LVRN: variants seen among roughly 807,000 people sequenced by gnomAD.
LVRN encodes the protein aminopeptidase Q.
In LVRN, 99 loss-of-function variants were observed where a neutral mutation model predicts 111.4. The ratio of observed to expected loss-of-function variants is 0.89; its 90% confidence interval spans 0.76 to 1.05. The LOEUF is 1.05. Ranked by LOEUF, LVRN falls within the 50% of genes least tolerant of loss-of-function variation. LVRN has a pLI of 0.00. For missense variants in LVRN, 1,414 were observed against 1,206.8 expected (o/e 1.17, Z -2.54); for synonymous variants, 488 against 449.5 (o/e 1.09, Z -1.08).
chr5:116,010,666 G>C, intron 13 of LVRN, 75 bp from the exon 14 acceptor site: 2 of 1,469,784 alleles, frequency 1.4e-6, no homozygotes, highest in Non-Finnish European at 1.9e-6. Context: ...TTGAAACATG[G>C]AACAAATATC....
chr5:116,002,616 C>T (rs371142469), intron 10 of LVRN, among the ~76,000 whole-genome samples: 28 of 151,998 alleles, frequency 1.8e-4, no homozygotes, highest in African/African-American at 5.3e-4. Flanking sequence ...GAAGTAAATC[C>T]GTAAGACACA....
chr5:115,968,650 CT>C (rs1297986495), intron 1 of LVRN, among the ~76,000 whole-genome samples: 1 of 152,080 alleles, frequency 6.6e-6, no homozygotes, highest in Admixed American at 6.5e-5. Context: ...GTGGACAGTC[CT>C]TCTAATGCAG....
At chr5:116,014,191 A>C (rs541459136) in intron 15 of LVRN, among the ~76,000 whole-genome samples, 1 of 152,322 alleles carries the variant, frequency 6.6e-6, no homozygotes, top group East Asian at 1.9e-4. Context: ...ACTTTCAAAA[A>C]ATACTGGCTT....
rs376995516 is a variant in LVRN, at chr5:116,014,395, G to A, written c.2343-25G>A. 7.0e-6 allele frequency: 11 copies of A among 1,568,004 alleles called. No homozygotes were observed. The African/African-American group carries it at 1.4e-4, about 19-fold the overall frequency. On this transcript the variant is annotated intron_variant, in intron 15 of 19. Coordinates refer to ENST00000357872, the MANE Select transcript of LVRN (RefSeq NM_173800.5). Reference sequence around the variant, plus strand: ...TGAAGGTGGTAATGCAAAATAAACTGTTTTTCTTTGACTTTTTCTTCAAGA... The same window carrying A: ...TGAAGGTGGTAATGCAAAATAAACTATTTTTCTTTGACTTTTTCTTCAAGA...
intron 12 of LVRN, among the ~76,000 whole-genome samples, chr5:116,003,605 G>A (rs1328777950): frequency 7.4e-5 from 11 of 147,814 alleles, no homozygotes; most frequent in African/African-American, 2.5e-4. Flanking sequence ...TTTTTGAGAC[G>A]GAGTCTTGCT....
At chr5:116,014,548 C>A (rs1244461577) in intron 16 of LVRN, 21 bp downstream of exon 16, 1 of 1,572,094 alleles carries the variant, frequency 6.4e-7, no homozygotes, top group African/African-American at 1.3e-5. Context: ...TATCATAATT[C>A]CTCTTGTTTT....
In LVRN at chr5:115,992,153, A is replaced by G. The variant is rs1470763085; in HGVS notation, c.1136A>G (p.His379Arg). 2 of 1,613,730 alleles carry G rather than the reference A, an allele frequency of 1.2e-6. No individual in the cohort carries two copies. Among genetic ancestry groups the G allele is most frequent in the Admixed American group, 1.7e-5 (1 of 60,002 alleles). The change falls in exon 5 of 20, where the codon CAT (histidine) becomes CGT (arginine). Residue 379 changes from histidine (H) to arginine (R), a missense_variant. Coordinates refer to ENST00000357872, the MANE Select transcript of LVRN (RefSeq NM_173800.5). ...ATTGCCTTGCCTAGTTTTGACAACC[A>G]TGCAATGGAAAACTGGGGACTAATG... ...DIIALPSFDNHAMENWGLMIF... is the reference protein window; with the variant it reads ...DIIALPSFDNRAMENWGLMIF...
intron 8 of LVRN, 45 bp downstream of exon 8, chr5:116,000,543 A>G (rs747816179): frequency 5.5e-5 from 89 of 1,612,910 alleles, no homozygotes; most frequent in Non-Finnish European, 2.0e-5. Flanking sequence ...GTAAACATAA[A>G]TTCCATTGGC....
At chr5:116,016,516 T>G (rs1263678725) in intron 18 of LVRN, among the ~76,000 whole-genome samples, 1 of 152,224 alleles carries the variant, frequency 6.6e-6, no homozygotes, top group African/African-American at 2.4e-5. Context: ...TTAGTTTTTC[T>G]GACGCACATT....
intron 13 of LVRN, 48 bp from the exon 14 acceptor site, chr5:116,010,693 C>A: frequency 6.4e-7 from 1 of 1,554,764 alleles, no homozygotes; most frequent in Admixed American, 1.9e-5. Context: ...ATGCAAATTA[C>A]TTAGCAAGTG....
intron 6 of LVRN, among the ~76,000 whole-genome samples, chr5:115,998,823 C>T (rs1351140936): frequency 1.3e-5 from 2 of 152,206 alleles, no homozygotes; most frequent in Admixed American, 1.3e-4. Context: ...AAATGATAGG[C>T]TTTCTCATTT....
At chr5:116,008,104 G>A (rs7729533) in intron 13 of LVRN, among the ~76,000 whole-genome samples, 71,992 of 151,866 alleles carry the variant, frequency 0.47, 17,505 homozygotes, top group South Asian at 0.57. Context: ...CACTTTGGGA[G>A]GCCGAGGCGG....
intron 18 of LVRN, among the ~76,000 whole-genome samples, chr5:116,017,478 G>C (rs1448342110): frequency 6.6e-6 from 1 of 152,206 alleles, no homozygotes; most frequent in African/African-American, 2.4e-5. Flanking sequence ...GTGTAGCAAA[G>C]TGGAGGTTTC....
intron 5 of LVRN, among the ~76,000 whole-genome samples, chr5:115,992,889 G>A (rs184176398): frequency 6.6e-6 from 1 of 152,186 alleles, no homozygotes; most frequent in African/African-American, 2.4e-5. Flanking sequence ...ATTAATACAA[G>A]TCTGTTAAGA....
intron 14 of LVRN, 106 bp from the exon 15 acceptor site, chr5:116,012,268 C>T (rs1748506092): frequency 1.5e-6 from 1 of 650,152 alleles, no homozygotes; most frequent in Non-Finnish European, 2.8e-6. Context: ...GAAGAAATAT[C>T]TGCCACTTGT....
At chr5:115,973,353 C>T (rs568880280) in intron 1 of LVRN, among the ~76,000 whole-genome samples, 94 of 152,284 alleles carry the variant, frequency 6.2e-4, no homozygotes, top group South Asian at 1.9e-3. Context: ...GAGTTATGGA[C>T]TTGTAGTTGT....
intron 18 of LVRN, among the ~76,000 whole-genome samples, chr5:116,018,274 G>C (rs1350413069): frequency 1.3e-5 from 2 of 152,050 alleles, no homozygotes; most frequent in Non-Finnish European, 2.9e-5. Context: ...CTGATTCCCG[G>C]TTCTCTATTT....
At chr5:115,987,646 C>T (rs1248485343) in intron 3 of LVRN, among the ~76,000 whole-genome samples, 167 bp from the exon 4 acceptor site, 2 of 152,090 alleles carry the variant, frequency 1.3e-5, no homozygotes, top group Admixed American at 1.3e-4. Flanking sequence ...TAGTGAACAG[C>T]CTTCAGGGGT....
chr5:115,980,055 G>C (rs534735767), intron 1 of LVRN, among the ~76,000 whole-genome samples: 5 of 152,172 alleles, frequency 3.3e-5, no homozygotes, highest in East Asian at 3.9e-4. Context: ...AGACAAGAGG[G>C]CAGGAAAGTT....
Sources: gnomAD v4.1 joint callset for allele counts (sites outside exome capture counted in the v4.1 genomes callset) on GRCh38, gnomAD v4.1.1 for gene constraint, MANE v1.5 for transcripts, NCBI Gene and HGNC (gene_info 2026-07-23, HGNC 2026-07-21) for gene names.